The following ELMO1 variants were observed in gnomAD, a reference collection of about 807,000 sequenced individuals.
ELMO1 encodes the protein engulfment and cell motility 1, also known as engulfment and cell motility protein 1.
In ELMO1, 26 loss-of-function variants were observed where a neutral mutation model predicts 98.9. The observed-to-expected ratio is 0.26, with a 90% CI of 0.19 to 0.36. The LOEUF (loss-of-function observed/expected upper bound fraction) is 0.36, where lower values mean the gene tolerates loss of function less well. Ranked by LOEUF, ELMO1 falls within the 10% of genes least tolerant of loss-of-function variation. ELMO1 has a pLI of 1.00. For synonymous variants in ELMO1, 346 were observed against 346.0 expected, an observed-to-expected ratio of 1.00 and a Z score of 0.00; for missense variants, 627 against 935.2, an observed-to-expected ratio of 0.67 and a Z score of 4.30.
chr7:37,179,113 C>T (rs1790680689), intron 13 of ELMO1, among the ~76,000 whole-genome samples: 1 of 152,134 alleles, frequency 6.6e-6, no homozygotes, highest in African/African-American at 2.4e-5. Context: ...ACACTCTGTA[C>T]TATGGCTGCG....
intron 13 of ELMO1, among the ~76,000 whole-genome samples, chr7:37,162,884 C>T (rs954626859): frequency 3.9e-5 from 6 of 152,142 alleles, no homozygotes; most frequent in African/African-American, 1.4e-4. Context: ...TAAACACTAA[C>T]ACACAACTTC....
chr7:36,985,801 A>G (rs1358364802), intron 16 of ELMO1: 1 of 605,172 alleles, frequency 1.7e-6, no homozygotes, highest in Non-Finnish European at 2.1e-6. Flanking sequence ...GGAACCCTTG[A>G]ATGCCCGCTC....
chr7:37,196,915 C>T (rs1791996094), intron 13 of ELMO1, among the ~76,000 whole-genome samples: 1 of 152,150 alleles, frequency 6.6e-6, no homozygotes, highest in African/African-American at 2.4e-5. Context: ...CTAGACACTA[C>T]TGCTGCTGGG....
At chr7:36,999,739 T>C (rs1792501361) in intron 16 of ELMO1, among the ~76,000 whole-genome samples, 1 of 152,172 alleles carries the variant, frequency 6.6e-6, no homozygotes, top group African/African-American at 2.4e-5. Context: ...AACAGTCCAA[T>C]ACTGGCAGTT....
intron 16 of ELMO1, among the ~76,000 whole-genome samples, chr7:36,900,967 T>C (rs181172277): frequency 6.6e-6 from 1 of 152,290 alleles, no homozygotes; most frequent in African/African-American, 2.4e-5. Flanking sequence ...TGCTCATGTG[T>C]GGGAAGGATA....
chr7:37,033,266 C>A (rs1326530435), intron 15 of ELMO1: 2 of 400,102 alleles, frequency 5.0e-6, no homozygotes, highest in African/African-American at 2.1e-5. Flanking sequence ...CCAAATTGTT[C>A]CCCCTTCCAG....
chr7:36,894,897 A>T lies in ELMO1; in HGVS notation c.1558T>A (p.Ser520Thr), dbSNP rs1243728572. Residue 520 changes from serine to threonine, a missense_variant, in exon 17 of 22, where the codon TCC (serine) becomes ACC (threonine). Coordinates refer to ENST00000310758, the MANE Select transcript of ELMO1 (RefSeq NM_014800.11). ...SYTEILKIRQ[S>T]ERMNQEDFQS... is the part of the protein sequence containing the mutation. ...AAATCTTCCTGGTTCATCCTCTCGGACTGGCGGATTTTCAGGATCTCAGTG... is the reference window on the plus strand; with the variant it reads ...AAATCTTCCTGGTTCATCCTCTCGGTCTGGCGGATTTTCAGGATCTCAGTG... The T allele has an allele frequency of 1.2e-6, 2 of 1,613,980 alleles. No individual in the cohort carries two copies. The highest frequency in any genetic ancestry group is 2.7e-5 in the African/African-American group (2 of 74,916).
In ELMO1 at chr7:37,159,728, G is replaced by C. The variant is rs12668665; in HGVS notation, c.1087-26494C>G. Among the ~76,000 whole-genome samples the C allele has an allele frequency of 5.9e-5, 9 of 152,142 alleles. No homozygotes were observed. The East Asian group carries it at 1.7e-3, about 29-fold the overall frequency. On this transcript the variant is annotated intron_variant, in intron 13 of 21. Transcript: ENST00000310758. ...AATAATAATAATAATAATAATTCAG[G>C]GGACTAATATACATCAGCCTCATGA...
At chr7:37,437,686 T>C (rs1805205516) in intron 1 of ELMO1, among the ~76,000 whole-genome samples, 1 of 67,712 alleles carries the variant, frequency 1.5e-5, no homozygotes, top group Admixed American at 1.7e-4. Context: ...AAATATACAA[T>C]AGGCCGGGCG....
rs550328742 is a variant in ELMO1 at position 37,252,107 on chromosome 7, C to A, written c.413+7074G>T. On this transcript the variant is annotated intron_variant, in intron 6 of 21. Transcript: ENST00000310758. ...GGACACAAACAAATGAAAAAACATTCCATGCTCATGGATAGAAAGAATCAA... is the reference window on the plus strand; with the variant it reads ...GGACACAAACAAATGAAAAAACATTACATGCTCATGGATAGAAAGAATCAA... Among the ~76,000 whole-genome samples the A allele has an allele frequency of 2.6e-5, 4 of 152,268 alleles. No homozygotes were observed. The South Asian group carries it at 8.3e-4, about 32-fold the overall frequency.
chr7:37,226,081 C>T (rs1303901099), intron 8 of ELMO1, among the ~76,000 whole-genome samples: 5 of 152,060 alleles, frequency 3.3e-5, no homozygotes, highest in South Asian at 2.1e-4. Context: ...CAGGTACCAT[C>T]GGAATTGTCC....
chr7:36,963,765 C>T (rs994250022), intron 16 of ELMO1, among the ~76,000 whole-genome samples: 6 of 152,170 alleles, frequency 3.9e-5, no homozygotes, highest in Non-Finnish European at 5.9e-5. Flanking sequence ...ACCTGTGTCC[C>T]AGACTCCTGA....
At chr7:36,879,365 C>G (rs748154450) in intron 18 of ELMO1, among the ~76,000 whole-genome samples, 1 of 152,236 alleles carries the variant, frequency 6.6e-6, no homozygotes, top group South Asian at 2.1e-4. Flanking sequence ...CCCCTTTGCA[C>G]CACTGTGCGG....
intron 13 of ELMO1, among the ~76,000 whole-genome samples, chr7:37,172,726 C>T (rs796540112): frequency 1.3e-5 from 2 of 152,286 alleles, no homozygotes; most frequent in Admixed American, 6.5e-5. Flanking sequence ...TACTCGATTT[C>T]CAAGTAGTAC....
chr7:36,975,403 C>T (rs556016236), intron 16 of ELMO1, among the ~76,000 whole-genome samples: 38 of 152,004 alleles, frequency 2.5e-4, no homozygotes, highest in African/African-American at 8.9e-4. Context: ...ACCTGGGAGG[C>T]GGAGGTTGCA....
intron 1 of ELMO1, chr7:37,353,395 A>G (rs1214571324): frequency 5.1e-5 from 8 of 157,018 alleles, no homozygotes; most frequent in Non-Finnish European, 7.0e-5. Flanking sequence ...TTCAGGAGTG[A>G]TACCGCAGAC....
At chr7:36,930,721 C>T (rs1363254952) in intron 16 of ELMO1, among the ~76,000 whole-genome samples, 2 of 152,230 alleles carry the variant, frequency 1.3e-5, no homozygotes, top group Non-Finnish European at 2.9e-5. Flanking sequence ...CTTGACTCTG[C>T]TTTCCTCCCT....
chr7:36,864,628 T>C (rs887794943), intron 20 of ELMO1, among the ~76,000 whole-genome samples: 1 of 152,134 alleles, frequency 6.6e-6, no homozygotes, highest in Non-Finnish European at 1.5e-5. Flanking sequence ...AGGCTAATAC[T>C]CCAGAAACTG....
At chr7:37,043,783 G>C (rs571874176) in intron 15 of ELMO1, among the ~76,000 whole-genome samples, 1 of 152,218 alleles carries the variant, frequency 6.6e-6, no homozygotes, top group Admixed American at 6.5e-5. Context: ...CAGTCACACA[G>C]AGCAGGGAGC....
Sources: gnomAD v4.1 joint callset for allele counts (sites outside exome capture counted in the v4.1 genomes callset) on GRCh38, gnomAD v4.1.1 for gene constraint, MANE v1.5 for transcripts, NCBI Gene and HGNC (gene_info 2026-07-23, HGNC 2026-07-21) for gene names.